The following NTN1 variants were observed in gnomAD, a reference collection of about 807,000 sequenced individuals.
NTN1 encodes the protein netrin-1.
In NTN1, 11 loss-of-function variants were observed where a neutral mutation model predicts 54.2. The ratio of observed to expected loss-of-function variants is 0.20; its 90% CI spans 0.13 to 0.34. The LOEUF (loss-of-function observed/expected upper bound fraction) is 0.34. NTN1 is among the 10% of genes least tolerant of loss of function. The pLI is 1.00. For synonymous variants in NTN1, 371 were observed against 382.0 expected, an observed-to-expected ratio of 0.97 and a Z score of 0.33; for missense variants, 740 against 893.1, an observed-to-expected ratio of 0.83 and a Z score of 2.18.
upstream of NTN1, among the ~76,000 whole-genome samples, chr17:9,018,358 G>C (rs564140683): frequency 6.6e-6 from 1 of 152,082 alleles, no homozygotes; most frequent in African/African-American, 2.4e-5. Flanking sequence ...TAGGCTGGGC[G>C]CGGTGGCTCA....
At chr17:9,225,784 CGGCAGGG>C (rs1330248663) in intron 6 of NTN1, among the ~76,000 whole-genome samples, 2 of 152,150 alleles carry the variant, frequency 1.3e-5, no homozygotes, top group African/African-American at 4.8e-5. Flanking sequence ...GACTGACACC[CGGCAGGG>C]GGCCAATTAG....
At chr17:9,207,933 T>C (rs117797822) in intron 5 of NTN1, among the ~76,000 whole-genome samples, 2,144 of 152,320 alleles carry the variant, frequency 0.014, 22 homozygotes, top group Non-Finnish European at 0.02. Flanking sequence ...GTTTGGCAGG[T>C]TTAAAAGATG....
intron 5 of NTN1, among the ~76,000 whole-genome samples, 193 bp from the exon 6 acceptor site, chr17:9,220,975 C>T (rs1287110104): frequency 3.4e-5 from 5 of 146,876 alleles, no homozygotes; most frequent in Middle Eastern, 6.9e-3. Context: ...GTGGGTCGGA[C>T]GGGGGCCCTT....
intron 2 of NTN1, among the ~76,000 whole-genome samples, chr17:9,152,880 A>G (rs973455886): frequency 6.6e-6 from 1 of 152,188 alleles, no homozygotes; most frequent in Non-Finnish European, 1.5e-5. Context: ...CCGGAGCTAG[A>G]GTCCAGGCTT....
Position 9,120,129 on chromosome 17 carries a change from A to G in NTN1, c.1019-42684A>G, listed in dbSNP as rs56063415. On this transcript the variant is annotated intron_variant, in intron 2 of 6. Transcript: ENST00000173229. The stretch of plus-strand genomic sequence containing the variant: ...CCCCATCTCTATTAAAAATATTTTT[A>G]AAAAAATTAGCTGGGCATGGTGGCG... Among the ~76,000 whole-genome samples, 7 of 151,926 alleles carry G rather than the reference A, an allele frequency of 4.6e-5. 1 individual carries two copies. The East Asian group carries it at 7.8e-4, about 17-fold the overall frequency.
chr17:9,058,752 C>A (rs1010235385), intron 2 of NTN1, among the ~76,000 whole-genome samples: 3 of 150,224 alleles, frequency 2.0e-5, no homozygotes, highest in Non-Finnish European at 4.4e-5. Context: ...ATCATGAATT[C>A]TTTTCCTGGG....
intron 3 of NTN1, chr17:9,179,022 G>C (rs2092409666): frequency 6.6e-6 from 1 of 152,280 alleles, no homozygotes; most frequent in Non-Finnish European, 1.5e-5. Context: ...CCCAGGAGGA[G>C]GGTGGGGGGC....
At chr17:9,233,076 G>T (rs574358763) in intron 6 of NTN1, among the ~76,000 whole-genome samples, 24 of 152,100 alleles carry the variant, frequency 1.6e-4, no homozygotes, top group Non-Finnish European at 2.8e-4. Context: ...CTGTGTAGGG[G>T]AGGGGAGAGG....
At chr17:9,016,939 C>A (rs1387649519), upstream of NTN1, among the ~76,000 whole-genome samples, 1 of 152,176 alleles carries the variant, frequency 6.6e-6, no homozygotes, top group Non-Finnish European at 1.5e-5. Context: ...TTCTGCCCAG[C>A]AAGCATTATC....
chr17:9,062,483 T>A (rs1349707464), intron 2 of NTN1, among the ~76,000 whole-genome samples: 1 of 152,170 alleles, frequency 6.6e-6, no homozygotes, highest in Non-Finnish European at 1.5e-5. Context: ...AGTATTCTCA[T>A]ACAGAAATAT....
intron 5 of NTN1, among the ~76,000 whole-genome samples, chr17:9,200,626 C>T (rs1379437274): frequency 1.3e-5 from 2 of 152,234 alleles, no homozygotes; most frequent in African/African-American, 2.4e-5. Context: ...ATTTTCCCTG[C>T]TCCCTGCCAA....
intron 5 of NTN1, among the ~76,000 whole-genome samples, chr17:9,216,188 C>T (rs775362170): frequency 6.6e-6 from 1 of 152,226 alleles, no homozygotes; most frequent in Non-Finnish European, 1.5e-5. Flanking sequence ...GAACTCCTAG[C>T]CTCAAGCGAT....
chr17:9,081,787 G>A (rs746459491), intron 2 of NTN1, among the ~76,000 whole-genome samples: 22 of 152,206 alleles, frequency 1.4e-4, no homozygotes, highest in Non-Finnish European at 3.1e-4. Flanking sequence ...ATGCCTTAAG[G>A]TTGCCTTCAA....
At chr17:9,194,686 G>T (rs1344657377) in intron 5 of NTN1, among the ~76,000 whole-genome samples, 1 of 152,082 alleles carries the variant, frequency 6.6e-6, no homozygotes, top group African/African-American at 2.4e-5. Context: ...GGAGCCTCTG[G>T]CTAAGAACCA....
chr17:9,143,563 A>G (rs1437819092), intron 2 of NTN1, among the ~76,000 whole-genome samples: 1 of 152,128 alleles, frequency 6.6e-6, no homozygotes, highest in African/African-American at 2.4e-5. Flanking sequence ...ATGTAAATGG[A>G]GAGTAAAGAC....
the NTN1 span, among the ~76,000 whole-genome samples, chr17:9,015,661 T>A: frequency 3.5e-4 from 53 of 152,170 alleles, no homozygotes; most frequent in Non-Finnish European, 6.9e-4. Context: ...GCAGTCCTTC[T>A]CAGAGGTGCT....
At chr17:9,120,129 A>T (rs56063415) in intron 2 of NTN1, among the ~76,000 whole-genome samples, 4,778 of 151,912 alleles carry the variant, frequency 0.031, 113 homozygotes, top group East Asian at 0.15. Context: ...AAATATTTTT[A>T]AAAAAATTAG....
In NTN1 at chr17:9,118,539, G is replaced by T. The variant is rs566246421; in HGVS notation, c.1019-44274G>T. Reference sequence around the variant, plus strand: ...AAAACAAAAACAGAAACAAAAACCGGTTCAGTGGTTTTCAGTATATTCAGA... The same window carrying T: ...AAAACAAAAACAGAAACAAAAACCGTTTCAGTGGTTTTCAGTATATTCAGA... On this transcript the variant is annotated intron_variant, in intron 2 of 6. Transcript: ENST00000173229. 6.6e-4 allele frequency among the ~76,000 whole-genome samples: 100 copies of T among 152,204 alleles called. 1 individual carries two copies. The highest frequency in any genetic ancestry group is 2.3e-3 in the African/African-American group (95 of 41,502).
intron 2 of NTN1, among the ~76,000 whole-genome samples, chr17:9,058,476 T>G (rs2091985894): frequency 6.6e-6 from 1 of 151,380 alleles, no homozygotes; most frequent in African/African-American, 2.4e-5. Context: ...TGGCCCTAAG[T>G]GGCCCCACAT....
Sources: allele counts gnomAD v4.1 joint callset (sites outside exome capture counted in the v4.1 genomes callset), GRCh38; gene constraint gnomAD v4.1.1; transcripts MANE v1.5; gene names NCBI Gene and HGNC (gene_info 2026-07-23, HGNC 2026-07-21).